TAF9: variants seen among roughly 807,000 people sequenced by gnomAD.
The protein encoded by TAF9 is TATA-box binding protein associated factor 9.
A neutral mutation model predicts 16.5 loss-of-function variants in TAF9; 10 were observed. The ratio of observed to expected loss-of-function variants is 0.61; its 90% CI spans 0.37 to 1.03. TAF9 has a LOEUF of 1.03. Among genes scored for constraint, TAF9 ranks in the 50% least tolerant of loss-of-function variants. The pLI is 0.01. For missense variants in TAF9, 288 were observed against 319.1 expected, an observed-to-expected ratio of 0.90 and a Z score of 0.74; for synonymous variants, 105 against 120.5, an observed-to-expected ratio of 0.87 and a Z score of 0.84.
At chr5:69,369,412 C>G (rs770350447) in intron 1 of TAF9, 51 bp downstream of exon 1, 3 of 1,598,604 alleles carry the variant, frequency 1.9e-6, no homozygotes, top group Non-Finnish European at 2.6e-6. Flanking sequence ...CCAGAGCACT[C>G]TGCGCCCCCA....
upstream of TAF9, chr5:69,369,582 CGGCCCCAAA>C (rs1322609339): frequency 1.2e-6 from 2 of 1,602,688 alleles, no homozygotes; most frequent in Non-Finnish European, 1.7e-6. Flanking sequence ...CAAAAGCCCA[CGGCCCCAAA>C]GGCCCCGAAG....
At chr5:69,369,527 G>A (rs750116889), upstream of TAF9, 23 of 1,611,114 alleles carry the variant, frequency 1.4e-5, no homozygotes, top group Middle Eastern at 3.5e-4. Flanking sequence ...CCTCGCTCAC[G>A]TGCCCTTTGC....
chr5:69,369,178 A>T lies in TAF9; in HGVS notation c.-111+285T>A, dbSNP rs1762701328. ...CAAACGAAATACCAGATTCAGAAAG[A>T]CTAAGCAGGTTGCCAAGCTGGAGAG... On this transcript the variant is annotated intron_variant, in intron 1 of 2. Transcript: ENST00000217893. 1.0e-5 allele frequency: 5 copies of T among 502,060 alleles called. 1 individual carries two copies. The Admixed American group carries it at 2.1e-4, about 21-fold the overall frequency. The allele number at this position is 502,060 out of a possible 1,614,324, so 31.1% of individuals were successfully genotyped here.
At chr5:69,369,604 C>T, upstream of TAF9, 1 of 1,584,636 alleles carries the variant, frequency 6.3e-7, no homozygotes, top group South Asian at 1.1e-5. Flanking sequence ...CCCCGAAGCC[C>T]ACCGCGGCGC....
chr5:69,366,651 G>T, intron 1 of TAF9, 56 bp from the exon 2 acceptor site: 1 of 1,245,824 alleles, frequency 8.0e-7, no homozygotes, highest in Non-Finnish European at 1.2e-6. Flanking sequence ...ATCACACTGC[G>T]GTCCACCTTC....
At chr5:69,369,718 C>T, upstream of TAF9, 2 of 1,550,904 alleles carry the variant, frequency 1.3e-6, no homozygotes, top group East Asian at 2.4e-5. Context: ...CGGGTCGGTA[C>T]TTCGGGTCAG....
At chr5:69,369,734 G>A (rs1762799807), upstream of TAF9, 2 of 1,541,614 alleles carry the variant, frequency 1.3e-6, no homozygotes, top group South Asian at 1.2e-5. Context: ...GTCAGGCAGT[G>A]CGCTGGATGC....
Position 69,365,504 on chromosome 5 carries a change from G to C in TAF9, c.234C>G (p.Arg78=). 6.2e-7 allele frequency: 1 copy of C among 1,613,966 alleles called. No homozygotes were observed. Among genetic ancestry groups the C allele is most frequent in the African/African-American group, 1.3e-5 (1 of 75,034 alleles). Residue 78 remains arginine (R), a synonymous_variant, in exon 3 of 3, where the codon CGC becomes CGG. Transcript: ENST00000217893. ...GAGGAGAGGTAAAAGACTGATCAGC[G>C]CGGCACTGGATTGCCAATCGCACAT... ...ADDVRLAIQC[R]ADQSFTSPPP...
chr5:69,368,067 T>C (rs953482854), intron 1 of TAF9, among the ~76,000 whole-genome samples: 6 of 152,126 alleles, frequency 3.9e-5, no homozygotes, highest in African/African-American at 1.4e-4. Flanking sequence ...GAAAATTACC[T>C]CTACTGACCC....
At chr5:69,369,422 A>G in intron 1 of TAF9, 41 bp downstream of exon 1, 1 of 1,603,494 alleles carries the variant, frequency 6.2e-7, no homozygotes, top group Non-Finnish European at 8.5e-7. Flanking sequence ...CTGCGCCCCC[A>G]GCCTGCCCCA....
chr5:69,366,163 T>A (rs1274882165), intron 2 of TAF9, among the ~76,000 whole-genome samples: 2 of 152,238 alleles, frequency 1.3e-5, no homozygotes, highest in Non-Finnish European at 2.9e-5. Flanking sequence ...ATACTCACTG[T>A]GCTCATATAT....
At chr5:69,368,960 C>T (rs1762678478) in intron 1 of TAF9, 1 of 157,284 alleles carries the variant, frequency 6.4e-6, no homozygotes, top group Admixed American at 6.5e-5. Flanking sequence ...ACGTCACAAA[C>T]ATCTGAACTC....
At chr5:69,369,226 A>ACTC in intron 1 of TAF9, 1 of 123,114 alleles carries the variant, frequency 8.1e-6, no homozygotes. Flanking sequence ...ACCTCTCTCC[A>ACTC]CCCCCCCCCG....
rs577414408 is a variant in TAF9 at position 69,369,458 on chromosome 5, C to T, written c.-111+5G>A. The T allele has an allele frequency of 6.2e-7, 1 of 1,610,596 alleles. No homozygotes were observed. Among genetic ancestry groups the T allele is most frequent in the East Asian group, 2.2e-5 (1 of 44,774 alleles). On this transcript the variant is annotated splice_donor_5th_base_variant and intron_variant, in intron 1 of 2. Coordinates refer to ENST00000217893, the MANE Select transcript of TAF9 (RefSeq NM_003187.5). Reference sequence around the variant, plus strand: ...GCCCAGTCCCTCCCGGCCGCGCGCCCTGACCGGTGAGCAGGATGTTCGGAA... The same window carrying T: ...GCCCAGTCCCTCCCGGCCGCGCGCCTTGACCGGTGAGCAGGATGTTCGGAA...
chr5:69,368,370 C>T (rs1170836204), intron 1 of TAF9, among the ~76,000 whole-genome samples: 2 of 152,130 alleles, frequency 1.3e-5, no homozygotes, highest in Non-Finnish European at 2.9e-5. Flanking sequence ...ATCCAGTTCC[C>T]ATACCCAGGA....
upstream of TAF9, chr5:69,369,725 TCAGG>T: frequency 1.3e-6 from 2 of 1,549,070 alleles, no homozygotes; most frequent in Non-Finnish European, 1.7e-6. Context: ...GTACTTCGGG[TCAGG>T]CAGTGCGCTG....
chr5:69,365,787 G>A, intron 2 of TAF9, 33 bp from the exon 3 acceptor site: 1 of 1,415,952 alleles, frequency 7.1e-7, no homozygotes, highest in South Asian at 1.6e-5. Flanking sequence ...ATGTACATTA[G>A]ATCAATCTGA....
In TAF9 at chr5:69,366,540, T is replaced by C; in HGVS notation, c.-55A>G. On this transcript the variant is annotated 5_prime_UTR_variant, in exon 2 of 3. Transcript: ENST00000217893. Reference sequence around the variant, plus strand: ...AATCACCCACATTAATGTATTTCAGTCCTGATTTTGACGCAAGTTCTTTGC... The same window carrying C: ...AATCACCCACATTAATGTATTTCAGCCCTGATTTTGACGCAAGTTCTTTGC... 1 of 1,614,068 alleles carries C rather than the reference T, an allele frequency of 6.2e-7. No individual in the cohort carries two copies. Among genetic ancestry groups the C allele is most frequent in the South Asian group, 1.1e-5 (1 of 91,088 alleles).
At position 69,366,486 on chromosome 5, in the gene TAF9, A is replaced by G; in HGVS notation, c.-18+17T>C. On this transcript the variant is annotated intron_variant, in intron 2 of 2. Coordinates refer to ENST00000217893, the MANE Select transcript of TAF9 (RefSeq NM_003187.5). ...AAAAAAAAAACAAAACAAATCTAAC[A>G]CCAAAGTGTCCCTTACCTTCTCGAG... The G allele has an allele frequency of 6.2e-7, 1 of 1,602,226 alleles. No homozygotes were observed.
Sources: gnomAD v4.1 joint callset for allele counts (sites outside exome capture counted in the v4.1 genomes callset) on GRCh38, gnomAD v4.1.1 for gene constraint, MANE v1.5 for transcripts, NCBI Gene and HGNC (gene_info 2026-07-23, HGNC 2026-07-21) for gene names.